SIGLEC1: variants seen among roughly 807,000 people sequenced by gnomAD.
SIGLEC1 encodes sialic acid binding Ig like lectin 1, also known as sialoadhesin.
Under a neutral mutation model 148.0 loss-of-function variants are expected in SIGLEC1, and 132 were observed. The ratio of observed to expected loss-of-function variants is 0.89; its 90% CI spans 0.77 to 1.03. SIGLEC1 has a LOEUF of 1.03. Among genes scored for constraint, SIGLEC1 ranks in the 50% least tolerant of loss-of-function variants. The pLI, the probability that SIGLEC1 is intolerant of heterozygous loss-of-function variation, is 0.00. For missense variants in SIGLEC1, 2,253 were observed against 2,271.4 expected, an observed-to-expected ratio of 0.99 and a Z score of 0.16; for synonymous variants, 945 against 969.0, an observed-to-expected ratio of 0.98 and a Z score of 0.46.
Position 3,701,256 on chromosome 20 carries a change from T to C in SIGLEC1, c.1528+86A>G, listed in dbSNP as rs1474017044. 2.4e-6 allele frequency: 3 copies of C among 1,269,754 alleles called. No homozygotes were observed. In the African/African-American group the frequency reaches 4.5e-5, roughly 19 times the overall value. The allele number at this position is 1,269,754 out of a possible 1,614,324, so 78.7% of individuals were successfully genotyped here. A position where few individuals can be genotyped will look rare whatever the true frequency, so the allele number is the denominator to read the frequency against. ...CAGTTAGCTCAGTCCTGCGGTTGAG[T>C]CCACTAGACTTCTAGAAGGAACAGA... On this transcript the variant is annotated intron_variant, in intron 7 of 21. Transcript: ENST00000344754.
intron 21 of SIGLEC1, 151 bp downstream of exon 21, chr20:3,689,004 A>G: frequency 1.4e-6 from 1 of 728,762 alleles, no homozygotes; most frequent in Non-Finnish European, 2.4e-6. Flanking sequence ...GGGCTCTCCT[A>G]TCTCCTGAGG....
At chr20:3,693,374 T>C in intron 14 of SIGLEC1, 73 bp downstream of exon 14, 1 of 1,482,666 alleles carries the variant, frequency 6.7e-7, no homozygotes, top group Non-Finnish European at 9.0e-7. Flanking sequence ...ACCTGTCGGG[T>C]TCCGGCCATG....
chr20:3,711,741 G>C (rs1299584177), intron 1 of SIGLEC1, among the ~76,000 whole-genome samples: 1 of 152,206 alleles, frequency 6.6e-6, no homozygotes, highest in Non-Finnish European at 1.5e-5. Context: ...ATGGGCAGTA[G>C]AAATTTCACA....
intron 9 of SIGLEC1, 126 bp downstream of exon 9, chr20:3,697,672 G>T (rs1180611438): frequency 3.6e-6 from 3 of 833,340 alleles, no homozygotes; most frequent in Non-Finnish European, 5.7e-6. Flanking sequence ...CCTGAATGTG[G>T]AGGAGGGCAG....
chr20:3,699,142 G>C, intron 8 of SIGLEC1, 60 bp downstream of exon 8: 1 of 1,578,504 alleles, frequency 6.3e-7, no homozygotes, highest in Non-Finnish European at 8.6e-7. Context: ...GGGGGGCCTA[G>C]AGGAGGTGGG....
At position 3,697,121 on chromosome 20, in the gene SIGLEC1, C is replaced by G. The variant is rs1326428459; in HGVS notation, c.2344G>C (p.Ala782Pro). 1 of 1,613,168 alleles carries G rather than the reference C, an allele frequency of 6.2e-7. No homozygotes were observed. The highest frequency in any genetic ancestry group is 1.1e-5 in the South Asian group (1 of 91,068). Residue 782 changes from alanine to proline, a missense_variant, in exon 10 of 22, where the codon GCC becomes CCC. Coordinates refer to ENST00000344754, the MANE Select transcript of SIGLEC1 (RefSeq NM_023068.4). Reference sequence around the variant, plus strand: ...AGGAGCACGGGAGTGGAGAGCTGGGCACCAGCCTCAGTCAGGATGCGGCAG... The same window carrying G: ...AGGAGCACGGGAGTGGAGAGCTGGGGACCAGCCTCAGTCAGGATGCGGCAG... ...YACRILTEAG[A>P]QLSTPVLLSV...
chr20:3,702,679 C>T (rs530277719), intron 6 of SIGLEC1, among the ~76,000 whole-genome samples: 2 of 151,828 alleles, frequency 1.3e-5, no homozygotes, highest in Non-Finnish European at 2.9e-5. Context: ...AGGAATTTAG[C>T]GGTAAAGAAG....
At position 3,690,072 on chromosome 20, in the gene SIGLEC1, G is replaced by A. The variant is rs1460149669; in HGVS notation, c.4784C>T (p.Ala1595Val). ...CAGCGCCTCGATGTCCACCCTCAGG[G>A]CATTGGGGGAAGCCAGGACATGGAT... ...PHIHVLASPN[A>V]LRVDIEALRP... Residue 1595 changes from alanine (A) to valine (V), a missense_variant, in exon 19 of 22, where the codon GCC becomes GTC. Physicochemically the swap from Ala to Val is moderately conservative, Grantham distance 64. Transcript: ENST00000344754. 1 of 1,612,026 alleles carries A rather than the reference G, an allele frequency of 6.2e-7. No individual in the cohort carries two copies.
Position 3,692,525 on chromosome 20 carries a change from G to A in SIGLEC1, c.4026C>T (p.Val1342=). The part of the protein sequence containing the change: ...TRSSRPAALQ[V]LYAPQDAVLS... The stretch of plus-strand genomic sequence containing the variant: ...GGCCAAGGACCCTCTGCTCACAGAG[G>A]ACTTGCAGGGCAGCAGGACGGGAGC... Residue 1342 remains valine (V), a synonymous_variant, in exon 16 of 22, where the codon GTC becomes GTT. Coordinates refer to ENST00000344754, the MANE Select transcript of SIGLEC1 (RefSeq NM_023068.4). The A allele has an allele frequency of 6.3e-7, 1 of 1,591,460 alleles. No individual in the cohort carries two copies.
In SIGLEC1 at chr20:3,692,229, G is replaced by A. The variant is rs757208641; in HGVS notation, c.4031-27C>T. On this transcript the variant is annotated intron_variant, in intron 16 of 21. Coordinates refer to ENST00000344754, the MANE Select transcript of SIGLEC1 (RefSeq NM_023068.4). ...TGTGGGCAGGCAGGGCACAGATGGG[G>A]ACCTTGCTTAGGCACCCTGTACTGC... The A allele has an allele frequency of 1.1e-5, 17 of 1,519,240 alleles. No homozygotes were observed. In the South Asian group the frequency reaches 1.3e-4, roughly 11 times the overall value. The allele number at this position is 1,519,240 out of a possible 1,614,324, so 94.1% of individuals were successfully genotyped here.
rs1462918305 is a variant in SIGLEC1 at position 3,706,344 on chromosome 20, CA to C, written c.409+2del. The C allele has an allele frequency of 2.5e-6, 4 of 1,602,608 alleles. No homozygotes were observed. The highest frequency in any genetic ancestry group is 3.4e-6 in the Non-Finnish European group (4 of 1,172,944). On this transcript the variant is annotated splice_donor_variant, in intron 3 of 21. Coordinates refer to ENST00000344754, the MANE Select transcript of SIGLEC1 (RefSeq NM_023068.4). LOFTEE classifies it high-confidence loss of function. ...GGGGCAGCCAGGCCACCCCACTTAT[CA>C]CCTGTTACTGTGACCAAGGTGCCTT...
In SIGLEC1 at chr20:3,687,305, A is replaced by T. The variant is rs2088709225; in HGVS notation, c.*1255T>A. 6.6e-6 allele frequency: 1 copy of T among 152,262 alleles called. No individual in the cohort carries two copies. 9.4% of individuals were successfully genotyped at this position (152,262 alleles called of 1,614,324 possible). ...GCACGTCATTCCTTCTTGGTAACTC[A>T]TTCTCTTTAACAGCCCGACACAGGG... On this transcript the variant is annotated 3_prime_UTR_variant, in exon 22 of 22. Transcript: ENST00000344754.
At chr20:3,697,709 T>G in intron 9 of SIGLEC1, 89 bp downstream of exon 9, 1 of 1,201,874 alleles carries the variant, frequency 8.3e-7, no homozygotes, top group Non-Finnish European at 1.2e-6. Flanking sequence ...CTGCACAGAG[T>G]GGTTTTGCCT....
intron 1 of SIGLEC1, among the ~76,000 whole-genome samples, chr20:3,712,106 G>A (rs2087931819): frequency 6.6e-6 from 1 of 151,784 alleles, no homozygotes; most frequent in Non-Finnish European, 1.5e-5. Flanking sequence ...GGTTAGGGTT[G>A]GGATGATGGA....
At chr20:3,704,244 T>C (rs1054809968) in intron 4 of SIGLEC1, among the ~76,000 whole-genome samples, 153 bp from the exon 5 acceptor site, 4 of 152,184 alleles carry the variant, frequency 2.6e-5, no homozygotes, top group Non-Finnish European at 4.4e-5. Context: ...GCATGCTCTG[T>C]CTGCCCATGT....
intron 1 of SIGLEC1, among the ~76,000 whole-genome samples, chr20:3,709,428 A>G (rs943939507): frequency 2.0e-5 from 3 of 152,206 alleles, no homozygotes; most frequent in African/African-American, 7.2e-5. Flanking sequence ...ACAGAAAACA[A>G]TAAATATTGG....
intron 6 of SIGLEC1, 164 bp downstream of exon 6, chr20:3,703,033 G>A: frequency 1.4e-6 from 1 of 710,082 alleles, no homozygotes; most frequent in Middle Eastern, 3.0e-4. Context: ...AACTAGGGAG[G>A]TCAAAGCATT....
chr20:3,701,644 G>T lies in SIGLEC1; in HGVS notation c.1229-3C>A, dbSNP rs1304441874. On this transcript the variant is annotated splice_polypyrimidine_tract_variant and splice_region_variant and intron_variant, in intron 6 of 21. Coordinates refer to ENST00000344754, the MANE Select transcript of SIGLEC1 (RefSeq NM_023068.4). ...CAGGACTGGAGTGAGAGGCGGGTCT[G>T]TGTGGAGACGAGAGGTGGGCCTGTC... is the stretch of plus-strand genomic sequence containing the variant. The T allele has an allele frequency of 6.5e-7, 1 of 1,548,496 alleles. No homozygotes were observed.
rs748279154 is a variant in SIGLEC1, at chr20:3,698,057, G to C, written c.1863C>G (p.Leu621=). Residue 621 remains leucine (L), a synonymous_variant, in exon 9 of 22, where the codon CTC becomes CTG. Transcript: ENST00000344754. Reference sequence around the variant, plus strand: ...GGTCGCTGTCCACACGGCACAAAAGGAGGCCTCGCCGTCCAGCCCCGGCCC... The same window carrying C: ...GGTCGCTGTCCACACGGCACAAAAGCAGGCCTCGCCGTCCAGCCCCGGCCC... ...AAGAGAGRRG[L]LLCRVDSDPP... is the part of the protein sequence containing the mutation. 5.0e-6 allele frequency: 8 copies of C among 1,606,814 alleles called. 1 individual carries two copies. The South Asian group carries it at 8.9e-5, about 18-fold the overall frequency.
Sources: allele counts gnomAD v4.1 joint callset (sites outside exome capture counted in the v4.1 genomes callset), GRCh38; gene constraint gnomAD v4.1.1; transcripts MANE v1.5; gene names NCBI Gene and HGNC (gene_info 2026-07-23, HGNC 2026-07-21).